Variants in ZNF609 observed in about 807,000 individuals in gnomAD.
ZNF609 encodes zinc finger protein 609.
A neutral mutation model predicts 109.5 loss-of-function variants in ZNF609; 11 were observed. The ratio of observed to expected loss-of-function variants is 0.10; its 90% CI spans 0.06 to 0.17. The LOEUF (loss-of-function observed/expected upper bound fraction) is 0.17, where lower values mean the gene tolerates loss of function less well. Ranked by LOEUF, ZNF609 falls within the 10% of genes least tolerant of loss-of-function variation. The pLI is 1.00. For missense variants in ZNF609, 1,559 were observed against 1,772.4 expected (o/e 0.88, Z 2.16); for synonymous variants, 646 against 662.0 (o/e 0.98, Z 0.37).
intron 2 of ZNF609, among the ~76,000 whole-genome samples, chr15:64,612,712 A>G (rs1015350170): frequency 6.8e-6 from 1 of 146,864 alleles, no homozygotes; most frequent in Non-Finnish European, 1.5e-5. Flanking sequence ...GTCCAAGTGT[A>G]GTTACTGTTT....
At chr15:64,539,842 G>A (rs1567008997) in intron 2 of ZNF609, among the ~76,000 whole-genome samples, 2 of 151,484 alleles carry the variant, frequency 1.3e-5, no homozygotes, top group Non-Finnish European at 2.9e-5. Flanking sequence ...TCGCCATGTT[G>A]GCCAGGCTGG....
intron 1 of ZNF609, among the ~76,000 whole-genome samples, chr15:64,484,750 CGGATCATG>C (rs1176221740): frequency 1.4e-5 from 2 of 140,638 alleles, no homozygotes; most frequent in African/African-American, 5.3e-5. Context: ...CCGAGGCGGG[CGGATCATG>C]AGGTCATGAG....
intron 3 of ZNF609, among the ~76,000 whole-genome samples, chr15:64,628,569 G>T (rs1896011618): frequency 6.6e-6 from 1 of 152,092 alleles, no homozygotes; most frequent in African/African-American, 2.4e-5. Flanking sequence ...AACCCAGGAG[G>T]CAGAGGTTGC....
chr15:64,569,180 A>G (rs1894823859), intron 2 of ZNF609, among the ~76,000 whole-genome samples: 1 of 152,200 alleles, frequency 6.6e-6, no homozygotes, highest in Non-Finnish European at 1.5e-5. Flanking sequence ...CTAATCTAAA[A>G]TAACTTCCTG....
At chr15:64,538,106 CAAAA>C (rs397941206) in intron 2 of ZNF609, among the ~76,000 whole-genome samples, 4 of 129,538 alleles carry the variant, frequency 3.1e-5, no homozygotes, top group Non-Finnish European at 6.6e-5. Context: ...AACTCCATCT[CAAAA>C]AAAAAAAAGA....
rs553958263 is a variant in ZNF609 at position 64,670,194 on chromosome 15, G to T, written c.974-152G>T. The T allele has an allele frequency of 4.8e-4, 303 of 625,690 alleles. 1 individual carries two copies. In the African/African-American group the frequency reaches 5.0e-3, roughly 10 times the overall value. The allele number at this position is 625,690 out of a possible 1,614,324, so 38.8% of individuals were successfully genotyped here. A position where few individuals can be genotyped will look rare whatever the true frequency, so the allele number is the denominator to read the frequency against. ...CAGTAGCATTGTAGGCAATTCCTAT[G>T]GAACTATTCTGGCCCAATCCTATTT... On this transcript the variant is annotated intron_variant, in intron 3 of 9. Coordinates refer to ENST00000326648, the MANE Select transcript of ZNF609 (RefSeq NM_015042.2).
chr15:64,643,583 A>T (rs140264352), intron 3 of ZNF609, among the ~76,000 whole-genome samples: 132 of 152,336 alleles, frequency 8.7e-4, no homozygotes, highest in African/African-American at 3.1e-3. Flanking sequence ...GAGAGTAAAG[A>T]GGACTTTACT....
intron 2 of ZNF609, among the ~76,000 whole-genome samples, chr15:64,541,594 A>T (rs547546136): frequency 1.0e-3 from 158 of 151,716 alleles, no homozygotes; most frequent in Non-Finnish European, 2.0e-3. Flanking sequence ...TAATCCCAAC[A>T]CTTTGGGAGG....
chr15:64,675,926 G>T lies in ZNF609; in HGVS notation c.3072G>T (p.Lys1024Asn). The stretch of plus-strand genomic sequence containing the variant: ...AGCAGCAGCGGGGAGTGGACAAGAA[G>T]GCAGAGATGGGCCTGAAGGAGCGGG... ...LEQQQRGVDK[K>N]AEMGLKEREA... The change falls in exon 5 of 10, where the codon AAG becomes AAT. Residue 1024 changes from lysine to asparagine, a missense_variant. Physicochemically the swap from Lys to Asn is moderately conservative, Grantham distance 94 (BLOSUM62 0). Coordinates refer to ENST00000326648, the MANE Select transcript of ZNF609 (RefSeq NM_015042.2). 6.2e-7 allele frequency: 1 copy of T among 1,614,224 alleles called. No individual in the cohort carries two copies.
intron 2 of ZNF609, among the ~76,000 whole-genome samples, chr15:64,538,769 C>T (rs144094476): frequency 0.015 from 2,351 of 152,166 alleles, 36 homozygotes; most frequent in Middle Eastern, 0.027. Flanking sequence ...TGGTCTTGAA[C>T]TCCCGACCTC....
At chr15:64,465,608 T>C (rs1185179586) in intron 1 of ZNF609, among the ~76,000 whole-genome samples, 32 of 152,162 alleles carry the variant, frequency 2.1e-4, no homozygotes, top group African/African-American at 7.7e-4. Context: ...GTAGAGCTCC[T>C]GACCTCAGGT....
intron 2 of ZNF609, among the ~76,000 whole-genome samples, chr15:64,603,925 G>C (rs1008427562): frequency 6.8e-6 from 1 of 146,498 alleles, no homozygotes; most frequent in Non-Finnish European, 1.5e-5. Context: ...TTGAACCCGG[G>C]AGGTAAAGGT....
chr15:64,662,488 G>T (rs944852524), intron 3 of ZNF609, among the ~76,000 whole-genome samples: 1 of 152,082 alleles, frequency 6.6e-6, no homozygotes, highest in Non-Finnish European at 1.5e-5. Context: ...AACAAGCCCA[G>T]ATAATTTAAA....
chr15:64,646,608 T>C lies in ZNF609; in HGVS notation c.973+23556T>C, dbSNP rs1221046318. ...AAGATCGTGCCACTGCACTCCAGCC[T>C]GCACAATGGAAACAAGACTCCATCT... On this transcript the variant is annotated intron_variant, in intron 3 of 9. Transcript: ENST00000326648. 8.6e-5 allele frequency among the ~76,000 whole-genome samples: 10 copies of C among 115,684 alleles called. No individual in the cohort carries two copies. The Admixed American group carries it at 9.1e-4, about 11-fold the overall frequency. 75.9% of individuals were successfully genotyped at this position (115,684 alleles called of 152,430 possible).
At chr15:64,534,253 C>A (rs1253036533) in intron 2 of ZNF609, among the ~76,000 whole-genome samples, 1 of 151,690 alleles carries the variant, frequency 6.6e-6, no homozygotes, top group African/African-American at 2.4e-5. Flanking sequence ...TCAGGTGATC[C>A]ACCCACCTCG....
rs146580022 is a variant in ZNF609 at position 64,496,955 on chromosome 15, A to G, written c.-127-2338A>G. Among the ~76,000 whole-genome samples, 946 of 152,250 alleles carry G rather than the reference A, an allele frequency of 6.2e-3. 7 individuals are homozygous for G. The highest frequency in any genetic ancestry group is 0.023 in the East Asian group (121 of 5,178). On this transcript the variant is annotated intron_variant, in intron 1 of 9. Coordinates refer to ENST00000326648, the MANE Select transcript of ZNF609 (RefSeq NM_015042.2). ...TTCAGCTCCCTGAGTAGCGGGGGCT[A>G]CAAGCATTACCATCATACCCGGCTA...
intron 2 of ZNF609, among the ~76,000 whole-genome samples, chr15:64,593,633 C>A (rs1315039210): frequency 6.6e-6 from 1 of 152,098 alleles, no homozygotes; most frequent in East Asian, 1.9e-4. Context: ...CTCACGTAAT[C>A]CTCCCACCTC....
Position 64,675,839 on chromosome 15 carries a change from G to C in ZNF609, c.2985G>C (p.Leu995=). The change falls in exon 5 of 10, where the codon CTG becomes CTC. Residue 995 remains leucine (L), a synonymous_variant. Coordinates refer to ENST00000326648, the MANE Select transcript of ZNF609 (RefSeq NM_015042.2). ...YSDQSYHTHL[L]STNTAYRQQY... is the part of the protein sequence containing the mutation. ...ACCAGAGTTACCACACCCACCTTCTGAGCACTAACACGGCTTACCGGCAGC... is the reference window on the plus strand; with the variant it reads ...ACCAGAGTTACCACACCCACCTTCTCAGCACTAACACGGCTTACCGGCAGC... 1 of 1,614,204 alleles carries C rather than the reference G, an allele frequency of 6.2e-7. No homozygotes were observed. Among genetic ancestry groups the C allele is most frequent in the African/African-American group, 1.3e-5 (1 of 75,040 alleles).
rs71133442 is a variant in ZNF609, at chr15:64,573,346, CT to C, written c.748-49455del. Among the ~76,000 whole-genome samples, 646 of 72,974 alleles carry C rather than the reference CT, an allele frequency of 8.9e-3. 27 individuals are homozygous for C. Among genetic ancestry groups the C allele is most frequent in the African/African-American group, 0.03 (565 of 18,596 alleles). The allele number at this position is 72,974 out of a possible 152,430, so 47.9% of individuals were successfully genotyped here. On this transcript the variant is annotated intron_variant, in intron 2 of 9. Coordinates refer to ENST00000326648, the MANE Select transcript of ZNF609 (RefSeq NM_015042.2). ...GCAGTAGAGTTAGTGGCCCAACTTT[CT>C]TTTTTTTTTTTTTTTTTTTTTTTTT... is the stretch of plus-strand genomic sequence containing the variant.
Sources: gnomAD v4.1 joint callset for allele counts (sites outside exome capture counted in the v4.1 genomes callset) on GRCh38, gnomAD v4.1.1 for gene constraint, MANE v1.5 for transcripts, NCBI Gene and HGNC (gene_info 2026-07-23, HGNC 2026-07-21) for gene names.